IMMP2L: variants seen among roughly 807,000 people sequenced by gnomAD.
IMMP2L encodes mitochondrial inner membrane protease subunit 2.
IMMP2L carries 18 observed loss-of-function variants against 19.3 expected under a neutral mutation model. The observed-to-expected ratio is 0.93, with a 90% CI of 0.64 to 1.38. The LOEUF is 1.38. IMMP2L is among the 40% of genes most tolerant of loss of function. The probability of loss-of-function intolerance (pLI) is 0.00; values close to 1 mark genes in which losing one functional copy is unlikely to be tolerated. For synonymous variants in IMMP2L, 76 were observed against 73.0 expected (o/e 1.04, Z -0.21); for missense variants, 233 against 218.2 (o/e 1.07, Z -0.43).
At chr7:111,525,902 G>C (rs921844179) in intron 1 of IMMP2L, among the ~76,000 whole-genome samples, 1 of 151,988 alleles carries the variant, frequency 6.6e-6, no homozygotes, top group Non-Finnish European at 1.5e-5. Flanking sequence ...CATTAAAAGG[G>C]ACGATGGCCC....
chr7:111,055,303 A>G (rs893842042), intron 3 of IMMP2L, among the ~76,000 whole-genome samples: 2 of 152,104 alleles, frequency 1.3e-5, no homozygotes, highest in South Asian at 2.1e-4. Context: ...TCAGCCTCCC[A>G]AAGTGCTAAG....
intron 3 of IMMP2L, among the ~76,000 whole-genome samples, chr7:111,433,173 G>A (rs1836809486): frequency 1.3e-5 from 2 of 151,668 alleles, no homozygotes; most frequent in South Asian, 4.2e-4. Flanking sequence ...GGCAGCAGGA[G>A]ACAGAATGAG....
At chr7:111,224,202 T>C (rs906029958) in intron 3 of IMMP2L, among the ~76,000 whole-genome samples, 1 of 152,090 alleles carries the variant, frequency 6.6e-6, no homozygotes, top group Non-Finnish European at 1.5e-5. Flanking sequence ...GAGGAAGTGC[T>C]TTGTGAACTG....
At chr7:110,749,910 A>G (rs940254411) in intron 5 of IMMP2L, among the ~76,000 whole-genome samples, 4 of 152,020 alleles carry the variant, frequency 2.6e-5, no homozygotes, top group African/African-American at 9.7e-5. Flanking sequence ...AATAATAAAA[A>G]CAATTGCCAT....
chr7:110,835,805 G>A (rs148142173), intron 5 of IMMP2L, among the ~76,000 whole-genome samples: 1 of 152,146 alleles, frequency 6.6e-6, no homozygotes, highest in East Asian at 1.9e-4. Flanking sequence ...TATTCTCATT[G>A]TTTGTTTTCT....
chr7:111,207,266 T>C (rs1810810871), intron 3 of IMMP2L, among the ~76,000 whole-genome samples: 3 of 152,170 alleles, frequency 2.0e-5, no homozygotes, highest in Admixed American at 2.0e-4. Flanking sequence ...CCACTAATAA[T>C]CTTTGTGCCT....
intron 3 of IMMP2L, among the ~76,000 whole-genome samples, chr7:110,973,056 G>A (rs1820315290): frequency 6.6e-6 from 1 of 152,026 alleles, no homozygotes. Flanking sequence ...GGTGGAGGTT[G>A]GGGGCAGAAA....
intron 1 of IMMP2L, among the ~76,000 whole-genome samples, chr7:111,551,438 C>T (rs1849442695): frequency 6.6e-6 from 1 of 151,586 alleles, no homozygotes; most frequent in South Asian, 2.1e-4. Flanking sequence ...TTACCAAAAA[C>T]ATACAATATG....
chr7:110,814,084 GCT>G (rs1802260534), intron 5 of IMMP2L, among the ~76,000 whole-genome samples: 1 of 151,894 alleles, frequency 6.6e-6, no homozygotes, highest in Admixed American at 6.6e-5. Context: ...GCAGGATTGG[GCT>G]CTCTCTGCTT....
chr7:111,357,554 T>C (rs1310446087), intron 3 of IMMP2L, among the ~76,000 whole-genome samples: 1 of 152,152 alleles, frequency 6.6e-6, no homozygotes, highest in Non-Finnish European at 1.5e-5. Flanking sequence ...GTCTGTCCTT[T>C]TACAACTTAG....
intron 5 of IMMP2L, among the ~76,000 whole-genome samples, chr7:110,867,832 T>C (rs994796383): frequency 3.3e-5 from 5 of 152,014 alleles, no homozygotes; most frequent in Admixed American, 3.3e-4. Context: ...TCAAATGCCA[T>C]TCTCTGAAGC....
chr7:111,140,741 T>A (rs1465466620), intron 3 of IMMP2L, among the ~76,000 whole-genome samples: 2 of 152,214 alleles, frequency 1.3e-5, no homozygotes, highest in Non-Finnish European at 2.9e-5. Context: ...CTATTGCTCT[T>A]CATTCATGCA....
intron 3 of IMMP2L, among the ~76,000 whole-genome samples, chr7:111,179,405 T>A (rs1368060494): frequency 6.6e-6 from 1 of 151,992 alleles, no homozygotes. Context: ...CTATCAGCTG[T>A]TGGTAGTGTT....
At chr7:110,736,648 T>C (rs1796657366) in intron 5 of IMMP2L, among the ~76,000 whole-genome samples, 1 of 152,228 alleles carries the variant, frequency 6.6e-6, no homozygotes, top group Admixed American at 6.5e-5. Flanking sequence ...TTCTTTGCCT[T>C]GGTGAGATTT....
At chr7:110,746,026 A>G (rs1289844524) in intron 5 of IMMP2L, among the ~76,000 whole-genome samples, 2 of 152,192 alleles carry the variant, frequency 1.3e-5, no homozygotes, top group African/African-American at 2.4e-5. Context: ...GCAAAGACAC[A>G]CATAGGCTCA....
At chr7:111,447,983 G>A (rs2131872303) in intron 3 of IMMP2L, among the ~76,000 whole-genome samples, 2 of 141,440 alleles carry the variant, frequency 1.4e-5, no homozygotes, top group African/African-American at 5.5e-5. Context: ...AATGGTAAAG[G>A]GATCAATTCA....
chr7:111,161,001 T>C (rs149567293), intron 3 of IMMP2L, among the ~76,000 whole-genome samples: 3 of 151,786 alleles, frequency 2.0e-5, no homozygotes, highest in Admixed American at 6.6e-5. Flanking sequence ...TGTCATTAAA[T>C]AGAAATATCT....
rs147100350 is a variant in IMMP2L at position 110,671,781 on chromosome 7, T to A, written c.409-8060A>T. ...GAGGGAAAGGCTTGCAAGGACAAGA[T>A]AAGGACAAGCAAATGCAAAAGAGCC... On this transcript the variant is annotated intron_variant, in intron 5 of 5. Coordinates refer to ENST00000405709, the MANE Select transcript of IMMP2L (RefSeq NM_032549.4). Among the ~76,000 whole-genome samples, 290 of 152,096 alleles carry A rather than the reference T, an allele frequency of 1.9e-3. 1 individual carries two copies. Among genetic ancestry groups the A allele is most frequent in the African/African-American group, 6.5e-3 (271 of 41,484 alleles).
chr7:110,949,348 T>C (rs1817561165), intron 4 of IMMP2L, among the ~76,000 whole-genome samples: 1 of 152,182 alleles, frequency 6.6e-6, no homozygotes, highest in African/African-American at 2.4e-5. Flanking sequence ...CAACTCAATA[T>C]TTTCTCTTTT....
Sources: allele counts gnomAD v4.1 joint callset (sites outside exome capture counted in the v4.1 genomes callset), GRCh38; gene constraint gnomAD v4.1.1; transcripts MANE v1.5; gene names NCBI Gene and HGNC (gene_info 2026-07-23, HGNC 2026-07-21).